The following ZBED3 variants were observed in gnomAD, a reference collection of about 807,000 sequenced individuals.
ZBED3 encodes zinc finger BED domain-containing protein 3.
For missense variants in ZBED3, 388 were observed against 362.9 expected (o/e 1.07, Z -0.56); for synonymous variants, 175 against 180.0 (o/e 0.97, Z 0.22).
At chr5:77,078,036 T>C (rs1354044829) in intron 2 of ZBED3, 141 bp from the exon 3 acceptor site, 4 of 579,300 alleles carry the variant, frequency 6.9e-6, no homozygotes, top group Non-Finnish European at 1.0e-5. Flanking sequence ...TCTAAGTTTC[T>C]TTCTAATTAA....
Position 77,076,020 on chromosome 5 carries a change from TG to T in ZBED3, c.*1153del, listed in dbSNP as rs1345578127. On this transcript the variant is annotated 3_prime_UTR_variant, in exon 3 of 3. Coordinates refer to ENST00000255198, the MANE Select transcript of ZBED3 (RefSeq NM_032367.4). ...ATATATGTATATATATATGTATATA[TG>T]TATATATATATGTATATATGTATAT... 4.0e-4 allele frequency: 23 copies of T among 58,220 alleles called. 3 individuals are homozygous for T. Among genetic ancestry groups the T allele is most frequent in the African/African-American group, 1.2e-3 (20 of 16,316 alleles). 3.6% of individuals were successfully genotyped at this position (58,220 alleles called of 1,614,324 possible). A position where few individuals can be genotyped will look rare whatever the true frequency, so the allele number is the denominator to read the frequency against.
chr5:77,082,309 G>A (rs1024252942), intron 1 of ZBED3, among the ~76,000 whole-genome samples: 1 of 151,764 alleles, frequency 6.6e-6, no homozygotes, highest in Admixed American at 6.6e-5. Flanking sequence ...CTACTCCTGG[G>A]GATCTCTTCT....
chr5:77,084,392 T>C (rs1208010805), intron 1 of ZBED3, among the ~76,000 whole-genome samples: 3 of 152,220 alleles, frequency 2.0e-5, no homozygotes, highest in African/African-American at 7.2e-5. Flanking sequence ...CTGATGGTTT[T>C]ATAAACGAGA....
At chr5:77,080,327 A>T (rs1743102815) in intron 1 of ZBED3, 1 of 407,782 alleles carries the variant, frequency 2.5e-6, no homozygotes, top group Admixed American at 3.0e-5. Flanking sequence ...GGTGAATGCC[A>T]TCTGTTAGGA....
At chr5:77,082,281 A>T (rs903320514) in intron 1 of ZBED3, among the ~76,000 whole-genome samples, 1 of 152,096 alleles carries the variant, frequency 6.6e-6, no homozygotes, top group African/African-American at 2.4e-5. Flanking sequence ...AAAAAAAAAA[A>T]AAAGATAACC....
At chr5:77,078,079 A>C (rs1743063116) in intron 2 of ZBED3, among the ~76,000 whole-genome samples, 184 bp from the exon 3 acceptor site, 1 of 152,188 alleles carries the variant, frequency 6.6e-6, no homozygotes, top group Non-Finnish European at 1.5e-5. Context: ...CCTCAGAAAA[A>C]ACTGTTAAAA....
intron 2 of ZBED3, among the ~76,000 whole-genome samples, chr5:77,078,252 T>C (rs6861535): frequency 0.36 from 54,374 of 149,468 alleles, 10,218 homozygotes; most frequent in East Asian, 0.56. Flanking sequence ...GCTTTCTTAA[T>C]AACAACAACG....
rs1047953556 is a variant in ZBED3 at position 77,073,368 on chromosome 5, C to A, written c.*3806G>T. On this transcript the variant is annotated 3_prime_UTR_variant, in exon 3 of 3. Coordinates refer to ENST00000255198, the MANE Select transcript of ZBED3 (RefSeq NM_032367.4). ...TTCCTTCTAAAAAGGAAATTCAGAT[C>A]ATCTAGCCCAATTTATAAATCCATA... 1 of 152,002 alleles carries A rather than the reference C, an allele frequency of 6.6e-6. No homozygotes were observed. Among genetic ancestry groups the A allele is most frequent in the Non-Finnish European group, 1.5e-5 (1 of 68,018 alleles). The allele number at this position is 152,002 out of a possible 1,614,324, so 9.4% of individuals were successfully genotyped here. A position where few individuals can be genotyped will look rare whatever the true frequency, so the allele number is the denominator to read the frequency against.
At position 77,077,180 on chromosome 5, in the gene ZBED3, GA is replaced by G; in HGVS notation, c.698del (p.Leu233ProfsTer46). ...TGGGGAAGTGGCCACACCCCTACAG[GA>G]GGACCTTTGTGATGACGCAGCCGTC... is the stretch of plus-strand genomic sequence containing the variant. ...DRDGCVITKV[L>X]L On this transcript the variant is annotated frameshift_variant, in exon 3 of 3. Coordinates refer to ENST00000255198, the MANE Select transcript of ZBED3 (RefSeq NM_032367.4). LOFTEE classifies it high-confidence loss of function. 1 of 1,485,964 alleles carries G rather than the reference GA, an allele frequency of 6.7e-7. No individual in the cohort carries two copies. Among genetic ancestry groups the G allele is most frequent in the Non-Finnish European group, 8.9e-7 (1 of 1,122,924 alleles). The allele number at this position is 1,485,964 out of a possible 1,614,324, so 92.0% of individuals were successfully genotyped here.
Position 77,073,571 on chromosome 5 carries a change from T to C in ZBED3, c.*3603A>G, listed in dbSNP as rs749528842. The stretch of plus-strand genomic sequence containing the variant: ...CTGAGGCAATACATTTTGTGTTACT[T>C]GTATAATAAAAAAGTAGATTTACAT... On this transcript the variant is annotated 3_prime_UTR_variant, in exon 3 of 3. Transcript: ENST00000255198. The C allele has an allele frequency of 2.0e-5, 3 of 152,212 alleles. No individual in the cohort carries two copies. The highest frequency in any genetic ancestry group is 4.4e-5 in the Non-Finnish European group (3 of 68,028). The allele number at this position is 152,212 out of a possible 1,614,324, so 9.4% of individuals were successfully genotyped here.
In ZBED3 at chr5:77,075,994, T is replaced by C. The variant is rs1375269485; in HGVS notation, c.*1180A>G. ...ATATGTATATATGTATATATATATGTATATATGTATATATATATGTATATA... is the reference window on the plus strand; with the variant it reads ...ATATGTATATATGTATATATATATGCATATATGTATATATATATGTATATA... On this transcript the variant is annotated 3_prime_UTR_variant, in exon 3 of 3. Transcript: ENST00000255198. 3 of 60,178 alleles carry C rather than the reference T, an allele frequency of 5.0e-5. No individual in the cohort carries two copies. The highest frequency in any genetic ancestry group is 6.9e-5 in the Non-Finnish European group (2 of 28,982). 3.7% of individuals were successfully genotyped at this position (60,178 alleles called of 1,614,324 possible). A position where few individuals can be genotyped will look rare whatever the true frequency, so the allele number is the denominator to read the frequency against.
rs952501477 is a variant in ZBED3, at chr5:77,077,458, C to T, written c.421G>A (p.Val141Met). The T allele has an allele frequency of 5.0e-6, 6 of 1,208,152 alleles. No individual in the cohort carries two copies. Among genetic ancestry groups the T allele is most frequent in the South Asian group, 6.3e-5 (2 of 31,966 alleles). 74.8% of individuals were successfully genotyped at this position (1,208,152 alleles called of 1,614,324 possible). The change falls in exon 3 of 3, where the codon GTG becomes ATG. Residue 141 changes from valine to methionine, a missense_variant. By Grantham distance (21) the Val-to-Met change is conservative. Transcript: ENST00000255198. ...TCCCGCTCCCGCCGGCTGCCGCGCA[C>T]GGCCAGCGCGCCCATCTGTTCCAGC... is the stretch of plus-strand genomic sequence containing the variant. ...RLLEQMGALA[V>M]RGSRRERELE...
chr5:77,079,710 A>C (rs1283941864), intron 1 of ZBED3, among the ~76,000 whole-genome samples: 5 of 152,252 alleles, frequency 3.3e-5, no homozygotes, highest in Non-Finnish European at 7.3e-5. Context: ...CAATTAGCAT[A>C]GAAAATCTTT....
In ZBED3 at chr5:77,077,699, C is replaced by T; in HGVS notation, c.180G>A (p.Gly60=). 9 of 1,346,310 alleles carry T rather than the reference C, an allele frequency of 6.7e-6. No homozygotes were observed. The highest frequency in any genetic ancestry group is 8.5e-6 in the Non-Finnish European group (9 of 1,053,736). The allele number at this position is 1,346,310 out of a possible 1,614,324, so 83.4% of individuals were successfully genotyped here. ...AGGTGGCCCAGTGGCCCGACGGATG[C>T]CCGGGGCGCCCCGGCGCCAGGTGGA... The part of the protein sequence containing the change: ...GYFHLAPGRP[G]HPSGHWATCR... The change falls in exon 3 of 3, where the codon GGG becomes GGA. Residue 60 remains glycine (G), a synonymous_variant. Coordinates refer to ENST00000255198, the MANE Select transcript of ZBED3 (RefSeq NM_032367.4).
At chr5:77,083,765 A>G in intron 1 of ZBED3, among the ~76,000 whole-genome samples, 1 of 152,194 alleles carries the variant, frequency 6.6e-6, no homozygotes, top group Non-Finnish European at 1.5e-5. Context: ...AAGAGCAAAT[A>G]AAAAAGAGTA....
intron 1 of ZBED3, chr5:77,080,319 T>C (rs748168740): frequency 3.0e-5 from 12 of 401,826 alleles, no homozygotes; most frequent in Non-Finnish European, 3.9e-5. Flanking sequence ...GTCGCACAGG[T>C]GAATGCCATC....
chr5:77,085,767 G>A (rs973998266), intron 1 of ZBED3, among the ~76,000 whole-genome samples: 4 of 152,128 alleles, frequency 2.6e-5, no homozygotes, highest in Non-Finnish European at 4.4e-5. Flanking sequence ...TATTTATAAA[G>A]AGATCCAGAC....
intron 1 of ZBED3, among the ~76,000 whole-genome samples, chr5:77,084,249 C>T (rs985698107): frequency 6.6e-6 from 1 of 152,206 alleles, no homozygotes; most frequent in African/African-American, 2.4e-5. Flanking sequence ...GCTGTGTCCC[C>T]ACCCAAATCT....
chr5:77,082,705 G>T (rs1189901818), intron 1 of ZBED3, among the ~76,000 whole-genome samples: 4 of 152,222 alleles, frequency 2.6e-5, no homozygotes, highest in Non-Finnish European at 5.9e-5. Context: ...GATGTGAAAG[G>T]AGGGAGAAGG....
Sources: allele counts gnomAD v4.1 joint callset (sites outside exome capture counted in the v4.1 genomes callset), GRCh38; gene constraint gnomAD v4.1.1; transcripts MANE v1.5; gene names NCBI Gene and HGNC (gene_info 2026-07-23, HGNC 2026-07-21).